The following NAV3 variants were observed in gnomAD, a reference collection of about 807,000 sequenced individuals.
NAV3 encodes the protein pore membrane and/or filament interacting like protein 1.
In NAV3, 87 loss-of-function variants were observed where a neutral mutation model predicts 244.7. The ratio of observed to expected loss-of-function variants is 0.36; its 90% CI spans 0.30 to 0.42. The LOEUF (loss-of-function observed/expected upper bound fraction) is 0.42, where lower values mean the gene tolerates loss of function less well. Ranked by LOEUF, NAV3 falls within the 20% of genes least tolerant of loss-of-function variation. NAV3 has a pLI of 1.00. For synonymous variants in NAV3, 1,126 were observed against 1,042.2 expected (o/e 1.08, Z -1.55); for missense variants, 2,663 against 2,893.3 (o/e 0.92, Z 1.83).
chr12:77,603,667 G>A (rs1004821826), intron 2 of NAV3, among the ~76,000 whole-genome samples: 3 of 151,202 alleles, frequency 2.0e-5, no homozygotes, highest in Non-Finnish European at 4.4e-5. Flanking sequence ...ACTTTGATGA[G>A]CAGAAGCTGG....
intron 2 of NAV3, among the ~76,000 whole-genome samples, chr12:77,605,825 G>A (rs2136791964): frequency 6.6e-6 from 1 of 151,646 alleles, no homozygotes; most frequent in East Asian, 1.9e-4. Flanking sequence ...GGCAACAAGA[G>A]GGAAACTCCG....
At position 77,777,473 on chromosome 12, in the gene NAV3, A is replaced by G. The variant is rs1038406394; in HGVS notation, c.73-162846A>G. Among the ~76,000 whole-genome samples the G allele has an allele frequency of 4.6e-5, 7 of 152,312 alleles. No individual in the cohort carries two copies. In the South Asian group the frequency reaches 1.0e-3, roughly 23 times the overall value. Reference sequence around the variant, plus strand: ...AGCATCTACAGTGTGGATACACTGGACAAAAGGATGACTAACATCCTGAGT... The same window carrying G: ...AGCATCTACAGTGTGGATACACTGGGCAAAAGGATGACTAACATCCTGAGT... On this transcript the variant is annotated intron_variant, in intron 2 of 8. Transcript: ENST00000550042.
intron 12 of NAV3, among the ~76,000 whole-genome samples, chr12:78,104,225 T>C (rs576057328): frequency 1.3e-5 from 2 of 152,280 alleles, no homozygotes; most frequent in Admixed American, 6.5e-5. Flanking sequence ...CATGTGTAAG[T>C]AGGACTGTTG....
intron 11 of NAV3, among the ~76,000 whole-genome samples, chr12:78,055,162 C>T (rs759598039): frequency 1.6e-4 from 25 of 152,288 alleles, no homozygotes; most frequent in South Asian, 1.0e-3. Context: ...ATGTGACTCA[C>T]ATGATGGTGT....
chr12:77,867,610 C>T (rs35257503), intron 1 of NAV3, among the ~76,000 whole-genome samples: 21,663 of 151,876 alleles, frequency 0.14, 1,753 homozygotes, highest in Middle Eastern at 0.26. Context: ...TTACTAGAGA[C>T]GGGGTTTCAC....
intron 2 of NAV3, among the ~76,000 whole-genome samples, chr12:77,610,659 T>C (rs544404528): frequency 9.2e-5 from 14 of 152,154 alleles, no homozygotes; most frequent in African/African-American, 1.2e-4. Context: ...ACTCCATTTA[T>C]TGACACTCAG....
At position 77,705,809 on chromosome 12, in the gene NAV3, T is replaced by C. The variant is rs563678242; in HGVS notation, c.72+133543T>C. Among the ~76,000 whole-genome samples, 403 of 151,670 alleles carry C rather than the reference T, an allele frequency of 2.7e-3. 10 individuals carry two copies. The highest frequency in any genetic ancestry group is 3.0e-3 in the Non-Finnish European group (206 of 67,978). ...CCACAGATTGAGGTATCACTCTCTG[T>C]TATTATTAATGAAAAGTTATTATGG... On this transcript the variant is annotated intron_variant, in intron 2 of 8. Coordinates refer to the NAV3 transcript ENST00000550042.
At chr12:77,746,239 A>G (rs1868536497) in intron 2 of NAV3, among the ~76,000 whole-genome samples, 1 of 152,112 alleles carries the variant, frequency 6.6e-6, no homozygotes, top group South Asian at 2.1e-4. Context: ...AGCAAACCAT[A>G]TGGTCTCTGT....
Position 77,831,243 on chromosome 12 carries a change from A to C in NAV3, c.-219A>C. On this transcript the variant is annotated 5_prime_UTR_variant, in exon 1 of 40. An upstream start codon of the reference 5' UTR is lost. Transcript: ENST00000397909. Reference sequence around the variant, plus strand: ...AAAGAGAGAGAGAGAGAGAATGAGAATGAATATGAATCCCAGCCAGCAAGA... The same window carrying C: ...AAAGAGAGAGAGAGAGAGAATGAGACTGAATATGAATCCCAGCCAGCAAGA... 3 of 422,406 alleles carry C rather than the reference A, an allele frequency of 7.1e-6. No homozygotes were observed. The highest frequency in any genetic ancestry group is 8.4e-6 in the Non-Finnish European group (2 of 237,134). 26.2% of individuals were successfully genotyped at this position (422,406 alleles called of 1,614,324 possible).
chr12:78,108,372 T>C (rs1056200709), intron 12 of NAV3, among the ~76,000 whole-genome samples: 10 of 152,082 alleles, frequency 6.6e-5, no homozygotes, highest in African/African-American at 2.2e-4. Flanking sequence ...ACTTCAACAC[T>C]CCACTTTCAG....
chr12:77,988,526 T>TAA (rs1870927938), intron 5 of NAV3, among the ~76,000 whole-genome samples: 3 of 152,042 alleles, frequency 2.0e-5, no homozygotes, highest in African/African-American at 7.2e-5. Flanking sequence ...TTGAGAAAAA[T>TAA]AAAAAGCAGC....
At chr12:77,756,795 A>C (rs1474450480) in intron 2 of NAV3, among the ~76,000 whole-genome samples, 1 of 152,172 alleles carries the variant, frequency 6.6e-6, no homozygotes, top group African/African-American at 2.4e-5. Context: ...TATTTAGTTC[A>C]TATATTTCAG....
At chr12:78,205,189 A>C (rs1352646462) in intron 39 of NAV3, 51 bp downstream of exon 39, 1 of 1,530,992 alleles carries the variant, frequency 6.5e-7, no homozygotes, top group Non-Finnish European at 9.0e-7. Context: ...TACAGTGTAT[A>C]GTCATTAATA....
chr12:78,168,901 T>A, intron 24 of NAV3, 35 bp downstream of exon 24: 5 of 1,399,636 alleles, frequency 3.6e-6, no homozygotes, highest in South Asian at 1.2e-5. Context: ...CCACCCAATA[T>A]AATAGACATC....
intron 1 of NAV3, among the ~76,000 whole-genome samples, chr12:77,861,685 GT>G (rs1879276883): frequency 6.6e-6 from 1 of 151,776 alleles, no homozygotes; most frequent in Admixed American, 6.6e-5. Context: ...GTTTTAAATT[GT>G]TGGGGCTGGG....
chr12:77,650,524 A>G (rs1005251641), intron 2 of NAV3, among the ~76,000 whole-genome samples: 2 of 152,190 alleles, frequency 1.3e-5, no homozygotes, highest in Non-Finnish European at 2.9e-5. Flanking sequence ...AGCCCAATGC[A>G]GGATTTTAAA....
At chr12:78,179,992 C>T (rs1446989536) in intron 29 of NAV3, among the ~76,000 whole-genome samples, 1 of 152,088 alleles carries the variant, frequency 6.6e-6, no homozygotes, top group East Asian at 1.9e-4. Context: ...TTCACTTTTC[C>T]ATCATTTACT....
intron 24 of NAV3, among the ~76,000 whole-genome samples, chr12:78,173,592 G>A (rs529406165): frequency 6.6e-6 from 1 of 151,512 alleles, no homozygotes; most frequent in South Asian, 2.1e-4. Flanking sequence ...TTGATTAAAG[G>A]ATACCGGATT....
chr12:77,942,685 C>A (rs1305642983), intron 3 of NAV3, among the ~76,000 whole-genome samples: 1 of 152,144 alleles, frequency 6.6e-6, no homozygotes. Flanking sequence ...TATGTAACTT[C>A]TTTGAGCCTT....
Sources: allele counts gnomAD v4.1 joint callset (sites outside exome capture counted in the v4.1 genomes callset), GRCh38; gene constraint gnomAD v4.1.1; transcripts MANE v1.5; gene names NCBI Gene and HGNC (gene_info 2026-07-23, HGNC 2026-07-21).